ERC2: variants seen among roughly 807,000 people sequenced by gnomAD.
The protein encoded by ERC2 is ERC protein 2.
Under a neutral mutation model 114.8 loss-of-function variants are expected in ERC2, and 42 were observed. That is an observed-to-expected ratio of 0.37 (90% CI 0.29 to 0.47). The LOEUF (loss-of-function observed/expected upper bound fraction) is 0.47, where lower values mean the gene tolerates loss of function less well. Ranked by LOEUF, ERC2 falls within the 20% of genes least tolerant of loss-of-function variation. ERC2 has a pLI of 0.99. For missense variants in ERC2, 939 were observed against 1,150.7 expected, an observed-to-expected ratio of 0.82 and a Z score of 2.66; for synonymous variants, 454 against 425.5, an observed-to-expected ratio of 1.07 and a Z score of -0.82.
intron 14 of ERC2, among the ~76,000 whole-genome samples, chr3:55,880,921 TA>T (rs1284512423): frequency 6.6e-6 from 1 of 152,172 alleles, no homozygotes; most frequent in African/African-American, 2.4e-5. Flanking sequence ...TTTTGTGGGT[TA>T]AAAATCACTT....
chr3:55,787,570 C>A (rs2149067918), intron 14 of ERC2, among the ~76,000 whole-genome samples: 1 of 152,224 alleles, frequency 6.6e-6, no homozygotes, highest in African/African-American at 2.4e-5. Flanking sequence ...TCACTAGTAA[C>A]TTTTCATATA....
chr3:55,728,510 A>T (rs1263225492), intron 15 of ERC2, among the ~76,000 whole-genome samples: 2 of 152,232 alleles, frequency 1.3e-5, no homozygotes, highest in Non-Finnish European at 2.9e-5. Context: ...GGAAGGGTAC[A>T]TGCAAGATAC....
intron 2 of ERC2, among the ~76,000 whole-genome samples, chr3:56,385,350 G>GA (rs2059898439): frequency 6.6e-6 from 1 of 151,994 alleles, no homozygotes; most frequent in Non-Finnish European, 1.5e-5. Flanking sequence ...ATTCATGAGG[G>GA]CTCTGCTGTC....
chr3:56,164,242 C>G (rs1421380936), intron 4 of ERC2, among the ~76,000 whole-genome samples: 2 of 151,968 alleles, frequency 1.3e-5, no homozygotes, highest in African/African-American at 4.8e-5. Context: ...TACACATTAG[C>G]AGTAACTCTT....
intron 14 of ERC2, among the ~76,000 whole-genome samples, chr3:55,814,164 C>A (rs1213624074): frequency 6.6e-6 from 1 of 152,216 alleles, no homozygotes; most frequent in Non-Finnish European, 1.5e-5. Context: ...ATCAAAAACT[C>A]TTTCCAGGAA....
intron 2 of ERC2, among the ~76,000 whole-genome samples, chr3:56,353,922 A>T (rs1314871386): frequency 1.3e-5 from 2 of 152,044 alleles, no homozygotes; most frequent in Non-Finnish European, 2.9e-5. Flanking sequence ...CCTTATAATG[A>T]TAATAAATTA....
At chr3:55,676,743 C>T (rs112629426) in intron 17 of ERC2, among the ~76,000 whole-genome samples, 5 of 152,030 alleles carry the variant, frequency 3.3e-5, no homozygotes, top group African/African-American at 1.2e-4. Flanking sequence ...AAGACCAGAC[C>T]AACAGCATAC....
intron 17 of ERC2, among the ~76,000 whole-genome samples, chr3:55,652,139 C>G (rs1416483212): frequency 6.6e-6 from 1 of 152,100 alleles, no homozygotes; most frequent in Non-Finnish European, 1.5e-5. Flanking sequence ...ATTTGTGTGA[C>G]AGCTTAAATG....
intron 3 of ERC2, among the ~76,000 whole-genome samples, chr3:56,242,964 G>A (rs568342775): frequency 6.6e-6 from 1 of 152,176 alleles, no homozygotes; most frequent in African/African-American, 2.4e-5. Context: ...CCCTTATTCA[G>A]GCTAATTTCC....
intron 14 of ERC2, among the ~76,000 whole-genome samples, chr3:55,778,940 C>G (rs2068808037): frequency 6.6e-6 from 1 of 151,600 alleles, no homozygotes; most frequent in South Asian, 2.1e-4. Context: ...GGGAATAGAA[C>G]AGATAAAGAA....
intron 4 of ERC2, among the ~76,000 whole-genome samples, chr3:56,155,318 C>T (rs2081642055): frequency 6.7e-6 from 1 of 149,674 alleles, no homozygotes; most frequent in Non-Finnish European, 1.5e-5. Context: ...TAACATTAAT[C>T]CAGAAGAGAA....
At chr3:56,112,609 C>G (rs1271882321) in intron 6 of ERC2, among the ~76,000 whole-genome samples, 1 of 152,048 alleles carries the variant, frequency 6.6e-6, no homozygotes. Context: ...AAAGGTGATC[C>G]TGGAATTTGA....
intron 6 of ERC2, among the ~76,000 whole-genome samples, chr3:56,082,032 A>T (rs1291727652): frequency 6.6e-6 from 1 of 152,206 alleles, no homozygotes; most frequent in Non-Finnish European, 1.5e-5. Context: ...CTAAACAATG[A>T]CATTCAATAA....
intron 7 of ERC2, among the ~76,000 whole-genome samples, chr3:56,060,843 A>G (rs1422354394): frequency 1.3e-5 from 2 of 152,110 alleles, no homozygotes; most frequent in East Asian, 3.8e-4. Context: ...ACTGCCCCCA[A>G]AGATTTGTGG....
At chr3:56,241,487 G>C (rs896980425) in intron 3 of ERC2, among the ~76,000 whole-genome samples, 8 of 152,240 alleles carry the variant, frequency 5.3e-5, no homozygotes, top group African/African-American at 1.7e-4. Context: ...ACAGTGCGGA[G>C]ATTTCTCAAA....
chr3:55,856,490 A>G (rs1183916966), intron 14 of ERC2, among the ~76,000 whole-genome samples: 2 of 149,776 alleles, frequency 1.3e-5, no homozygotes, highest in South Asian at 2.2e-4. Flanking sequence ...AAAGAAGACT[A>G]CAGACAATGA....
At chr3:55,821,202 C>T (rs2060109116) in intron 14 of ERC2, among the ~76,000 whole-genome samples, 1 of 152,118 alleles carries the variant, frequency 6.6e-6, no homozygotes, top group African/African-American at 2.4e-5. Context: ...CCTACTGTTC[C>T]TCCAGATGAT....
intron 4 of ERC2, among the ~76,000 whole-genome samples, chr3:56,161,482 C>T (rs1257168144): frequency 6.6e-6 from 1 of 152,122 alleles, no homozygotes; most frequent in Non-Finnish European, 1.5e-5. Flanking sequence ...CTGCAAATTG[C>T]TTTAGGCAGT....
At chr3:55,687,632 T>A (rs551830112) in intron 16 of ERC2, among the ~76,000 whole-genome samples, 2 of 152,204 alleles carry the variant, frequency 1.3e-5, no homozygotes, top group African/African-American at 4.8e-5. Flanking sequence ...TGGTTATAAC[T>A]AGGTCTGGTG....
Sources: gnomAD v4.1 joint callset for allele counts (sites outside exome capture counted in the v4.1 genomes callset) on GRCh38, gnomAD v4.1.1 for gene constraint, MANE v1.5 for transcripts, NCBI Gene and HGNC (gene_info 2026-07-23, HGNC 2026-07-21) for gene names.